ASAP1: variants seen among roughly 807,000 people sequenced by gnomAD.
ASAP1 encodes the protein ArfGAP with SH3 domain, ankyrin repeat and PH domain 1.
In ASAP1, 43 loss-of-function variants were observed where a neutral mutation model predicts 145.2. That is an observed-to-expected ratio of 0.30 (90% CI 0.23 to 0.38). The LOEUF is 0.38. ASAP1 is among the 10% of genes least tolerant of loss of function. The probability of loss-of-function intolerance (pLI) is 1.00; values close to 1 mark genes in which losing one functional copy is unlikely to be tolerated. For synonymous variants in ASAP1, 546 were observed against 515.5 expected (o/e 1.06, Z -0.80); for missense variants, 1,018 against 1,355.3 (o/e 0.75, Z 3.91).
chr8:130,201,916 A>G (rs1386460889), intron 5 of ASAP1, among the ~76,000 whole-genome samples: 1 of 152,162 alleles, frequency 6.6e-6, no homozygotes, highest in Non-Finnish European at 1.5e-5. Context: ...AATATCTTTT[A>G]CTCAGGACAC....
At chr8:130,086,935 G>C (rs1169094838) in intron 25 of ASAP1, among the ~76,000 whole-genome samples, 2 of 152,158 alleles carry the variant, frequency 1.3e-5, no homozygotes, top group Non-Finnish European at 1.5e-5. Context: ...TCTGGCCCTC[G>C]TTCTCACAAA....
intron 3 of ASAP1, among the ~76,000 whole-genome samples, chr8:130,355,235 A>G (rs4574884): frequency 0.33 from 49,544 of 152,078 alleles, 8,980 homozygotes; most frequent in African/African-American, 0.47. Context: ...AGATTTAACT[A>G]AAAGCATCAA....
chr8:130,142,883 G>T (rs887409432), intron 13 of ASAP1, among the ~76,000 whole-genome samples: 1 of 152,162 alleles, frequency 6.6e-6, no homozygotes, highest in East Asian at 1.9e-4. Context: ...GGGGTGGTGG[G>T]GGGGCAGTTG....
chr8:130,059,415 T>C (rs939318420), intron 28 of ASAP1, among the ~76,000 whole-genome samples: 5 of 152,068 alleles, frequency 3.3e-5, no homozygotes, highest in African/African-American at 1.2e-4. Context: ...ACCTCGCACT[T>C]TGGCCTCCCA....
intron 3 of ASAP1, among the ~76,000 whole-genome samples, chr8:130,333,466 T>C (rs1308640253): frequency 1.3e-5 from 2 of 152,196 alleles, no homozygotes; most frequent in Non-Finnish European, 2.9e-5. Context: ...TAGCCAGGCA[T>C]GCTGGCACAT....
At chr8:130,191,946 C>G (rs1815167900) in intron 5 of ASAP1, among the ~76,000 whole-genome samples, 1 of 152,128 alleles carries the variant, frequency 6.6e-6, no homozygotes, top group Non-Finnish European at 1.5e-5. Flanking sequence ...CTCAGTCATT[C>G]TACCTCTTTA....
chr8:130,168,974 A>AT lies in ASAP1; in HGVS notation c.822+17dup. 1 of 1,447,632 alleles carries AT rather than the reference A, an allele frequency of 6.9e-7. No individual in the cohort carries two copies. The highest frequency in any genetic ancestry group is 1.4e-5 in the African/African-American group (1 of 69,922). The allele number at this position is 1,447,632 out of a possible 1,614,324, so 89.7% of individuals were successfully genotyped here. A position where few individuals can be genotyped will look rare whatever the true frequency, so the allele number is the denominator to read the frequency against. On this transcript the variant is annotated intron_variant, in intron 10 of 29. Coordinates refer to ENST00000518721, the MANE Select transcript of ASAP1 (RefSeq NM_018482.4). ...CATGAAAGCAAGTTAAACTGCATGT[A>AT]TTTTATAAAGAACTTACATTATATA...
intron 3 of ASAP1, among the ~76,000 whole-genome samples, chr8:130,328,099 C>T (rs2137751820): frequency 6.6e-6 from 1 of 152,248 alleles, no homozygotes; most frequent in South Asian, 2.1e-4. Flanking sequence ...ATTTACTGAG[C>T]ACTTGAACTC....
At chr8:130,095,912 C>G (rs1286514315) in intron 24 of ASAP1, among the ~76,000 whole-genome samples, 1 of 152,186 alleles carries the variant, frequency 6.6e-6, no homozygotes, top group Non-Finnish European at 1.5e-5. Flanking sequence ...AGTCACAGTG[C>G]CCGGCCAGGC....
chr8:130,273,530 A>G (rs548858959), intron 3 of ASAP1, among the ~76,000 whole-genome samples: 1 of 152,332 alleles, frequency 6.6e-6, no homozygotes, highest in East Asian at 1.9e-4. Flanking sequence ...AACTTGCTAT[A>G]AACACAGCAG....
Position 130,411,012 on chromosome 8 carries a change from C to A in ASAP1, c.-27-9042G>T, listed in dbSNP as rs754245687. Among the ~76,000 whole-genome samples the A allele has an allele frequency of 6.3e-4, 96 of 152,188 alleles. 1 individual carries two copies. Among genetic ancestry groups the A allele is most frequent in the Non-Finnish European group, 1.1e-3 (74 of 68,030 alleles). ...AGTAGCTGGGATTACAGGCACCCAC[C>A]ACCATGTCCAGCTAATTTTCGTATT... On this transcript the variant is annotated intron_variant, in intron 1 of 29. Transcript: ENST00000518721.
At chr8:130,070,241 G>A (rs2097439974) in intron 27 of ASAP1, among the ~76,000 whole-genome samples, 1 of 152,158 alleles carries the variant, frequency 6.6e-6, no homozygotes, top group Non-Finnish European at 1.5e-5. Flanking sequence ...GTTTCACCGT[G>A]TTAGCCAGGA....
chr8:130,080,030 T>C (rs576293757), intron 25 of ASAP1, 59 bp from the exon 26 acceptor site: 1 of 1,485,146 alleles, frequency 6.7e-7, no homozygotes, highest in Admixed American at 1.7e-5. Context: ...GCAATGAGAA[T>C]ACATGGGTTT....
At position 130,174,503 on chromosome 8, in the gene ASAP1, C is replaced by T. The variant is rs147189604; in HGVS notation, c.746+4761G>A. Among the ~76,000 whole-genome samples the T allele has an allele frequency of 2.5e-3, 388 of 152,284 alleles. 1 individual carries two copies. Among genetic ancestry groups the T allele is most frequent in the African/African-American group, 8.9e-3 (370 of 41,554 alleles). ...ATGTAACTGAGTATTTACTCTGTAC[C>T]AGTCACCGCACTATTATACACAATT... is the stretch of plus-strand genomic sequence containing the variant. On this transcript the variant is annotated intron_variant, in intron 9 of 29. Coordinates refer to ENST00000518721, the MANE Select transcript of ASAP1 (RefSeq NM_018482.4).
intron 3 of ASAP1, among the ~76,000 whole-genome samples, chr8:130,240,231 T>A (rs1818442213): frequency 6.6e-6 from 1 of 152,104 alleles, no homozygotes. Flanking sequence ...GTAAAGTTCA[T>A]CTACTTACTT....
At chr8:130,123,988 A>T in intron 18 of ASAP1, 25 bp downstream of exon 18, 1 of 1,551,202 alleles carries the variant, frequency 6.4e-7, no homozygotes, top group Non-Finnish European at 8.8e-7. Flanking sequence ...GGTTTAAAAA[A>T]GTTCAATATA....
At chr8:130,066,695 A>G (rs2097431642) in intron 27 of ASAP1, among the ~76,000 whole-genome samples, 1 of 152,066 alleles carries the variant, frequency 6.6e-6, no homozygotes, top group South Asian at 2.1e-4. Flanking sequence ...ACACTGCAGA[A>G]CATGTTTTAC....
At chr8:130,256,403 G>A (rs754979490) in intron 3 of ASAP1, among the ~76,000 whole-genome samples, 2 of 151,304 alleles carry the variant, frequency 1.3e-5, no homozygotes, top group Non-Finnish European at 1.5e-5. Flanking sequence ...AGAGGATCTG[G>A]GGGGTGGGGG....
intron 27 of ASAP1, among the ~76,000 whole-genome samples, chr8:130,061,770 G>A (rs2097420200): frequency 6.6e-6 from 1 of 152,158 alleles, no homozygotes; most frequent in African/African-American, 2.4e-5. Context: ...CACTTACTAT[G>A]TTTAGGAAAG....
Sources: allele counts gnomAD v4.1 joint callset (sites outside exome capture counted in the v4.1 genomes callset), GRCh38; gene constraint gnomAD v4.1.1; transcripts MANE v1.5; gene names NCBI Gene and HGNC (gene_info 2026-07-23, HGNC 2026-07-21).